The following DYNC2I1 variants were observed in gnomAD, a reference collection of about 807,000 sequenced individuals.
DYNC2I1 encodes cytoplasmic dynein 2 intermediate chain 1.
Under a neutral mutation model 133.4 loss-of-function variants are expected in DYNC2I1, and 89 were observed. That is an observed-to-expected ratio of 0.67 (90% confidence interval 0.56 to 0.80). The LOEUF is 0.80. Among genes scored for constraint, DYNC2I1 ranks in the 30% least tolerant of loss-of-function variants. The pLI, the probability that DYNC2I1 is intolerant of heterozygous loss-of-function variation, is 0.00. For missense variants in DYNC2I1, 1,291 were observed against 1,314.5 expected (o/e 0.98, Z 0.28); for synonymous variants, 504 against 484.3 (o/e 1.04, Z -0.54).
At chr7:158,888,019 CTTTTT>C (rs545903783) in intron 7 of DYNC2I1, among the ~76,000 whole-genome samples, 2 of 96,598 alleles carry the variant, frequency 2.1e-5, no homozygotes, top group South Asian at 3.6e-4. Flanking sequence ...AACCATTGTC[CTTTTT>C]TTTTTTTTTT....
chr7:158,864,949 C>T (rs1842269248), intron 1 of DYNC2I1, among the ~76,000 whole-genome samples: 1 of 152,248 alleles, frequency 6.6e-6, no homozygotes, highest in Admixed American at 6.5e-5. Context: ...CAGGTGGCTG[C>T]AGATGCCAGT....
At chr7:158,939,990 A>G (rs762248616) in intron 23 of DYNC2I1, among the ~76,000 whole-genome samples, 2 of 152,218 alleles carry the variant, frequency 1.3e-5, no homozygotes, top group African/African-American at 2.4e-5. Flanking sequence ...TCCCAAGTAT[A>G]GAAAGCAAAG....
chr7:158,847,490 C>T, the DYNC2I1 span, among the ~76,000 whole-genome samples: 2,728 of 152,180 alleles, frequency 0.018, 51 homozygotes, highest in Middle Eastern at 0.044. Flanking sequence ...GTGGCCATGT[C>T]GTCACCCTTC....
chr7:158,938,630 C>T (rs1391198508), intron 23 of DYNC2I1, among the ~76,000 whole-genome samples: 1 of 152,086 alleles, frequency 6.6e-6, no homozygotes, highest in Non-Finnish European at 1.5e-5. Flanking sequence ...GTGGCGGGCA[C>T]CTGTAATCCC....
intron 23 of DYNC2I1, among the ~76,000 whole-genome samples, chr7:158,934,853 T>A (rs1242927679): frequency 6.6e-6 from 1 of 152,254 alleles, no homozygotes; most frequent in African/African-American, 2.4e-5. Flanking sequence ...AGCATAACAC[T>A]TGCAGTGATC....
chr7:158,882,544 C>T (rs943584079), intron 5 of DYNC2I1, among the ~76,000 whole-genome samples: 1 of 152,084 alleles, frequency 6.6e-6, no homozygotes, highest in African/African-American at 2.4e-5. Context: ...GATCATATCA[C>T]TGCAGTCCAA....
At chr7:158,912,896 G>C (rs1847627427) in intron 12 of DYNC2I1, 89 bp from the exon 13 acceptor site, 2 of 921,356 alleles carry the variant, frequency 2.2e-6, no homozygotes, top group Non-Finnish European at 3.3e-6. Flanking sequence ...ACTTACTTTT[G>C]ACACAGTGAC....
upstream of DYNC2I1, among the ~76,000 whole-genome samples, chr7:158,855,504 T>C (rs1402326828): frequency 6.6e-6 from 1 of 152,240 alleles, no homozygotes; most frequent in African/African-American, 2.4e-5. Flanking sequence ...ATTTCTAATC[T>C]TGTGGCTAAC....
chr7:158,881,806 C>T (rs1844057756), intron 5 of DYNC2I1, among the ~76,000 whole-genome samples: 1 of 152,120 alleles, frequency 6.6e-6, no homozygotes, highest in African/African-American at 2.4e-5. Context: ...TCATTTTCTC[C>T]CAACGTTGTG....
At chr7:158,925,036 A>G (rs1339633508) in intron 17 of DYNC2I1, among the ~76,000 whole-genome samples, 2 of 152,202 alleles carry the variant, frequency 1.3e-5, no homozygotes, top group Non-Finnish European at 2.9e-5. Flanking sequence ...GATTACAGGC[A>G]TAAGCCACCG....
At chr7:158,868,454 A>G (rs1388496828) in intron 1 of DYNC2I1, among the ~76,000 whole-genome samples, 2 of 152,272 alleles carry the variant, frequency 1.3e-5, no homozygotes, top group Non-Finnish European at 2.9e-5. Flanking sequence ...GGATTATCCA[A>G]CGAGGAACAA....
chr7:158,940,144 C>T (rs1026820397), intron 23 of DYNC2I1, among the ~76,000 whole-genome samples: 3 of 152,152 alleles, frequency 2.0e-5, no homozygotes, highest in Non-Finnish European at 4.4e-5. Flanking sequence ...ACCAGTGGTC[C>T]CCAACCTTTT....
intron 11 of DYNC2I1, among the ~76,000 whole-genome samples, chr7:158,908,748 C>T (rs1199643732): frequency 2.0e-5 from 3 of 152,306 alleles, no homozygotes; most frequent in African/African-American, 7.2e-5. Flanking sequence ...GCCGGAGAGG[C>T]TGGGCGGTCG....
chr7:158,876,312 C>A (rs1352974031), intron 3 of DYNC2I1, among the ~76,000 whole-genome samples: 1 of 152,160 alleles, frequency 6.6e-6, no homozygotes, highest in Non-Finnish European at 1.5e-5. Flanking sequence ...ATGATCCAGT[C>A]ACCTCCCACC....
intron 16 of DYNC2I1, among the ~76,000 whole-genome samples, chr7:158,923,188 A>C (rs1279642361): frequency 1.3e-5 from 2 of 152,354 alleles, no homozygotes; most frequent in Non-Finnish European, 2.9e-5. Flanking sequence ...GCTGTAGAGA[A>C]GAATAACTTG....
chr7:158,922,495 G>A lies in DYNC2I1; in HGVS notation c.2040G>A (p.Val680=), dbSNP rs552964711. The change falls in exon 16 of 25, where the codon GTG becomes GTA. Residue 680 remains valine, a synonymous_variant. Coordinates refer to ENST00000407559, the MANE Select transcript of DYNC2I1 (RefSeq NM_018051.5). The part of the protein sequence containing the change: ...PLLDSKYVLC[V]WDIWQPSGPQ... ...TGGACAGCAAATACGTCCTCTGTGT[G>A]TGGGATATTTGGCAGCCTTCAGGGC... 39 of 1,613,972 alleles carry A rather than the reference G, an allele frequency of 2.4e-5. No homozygotes were observed. The South Asian group carries it at 4.3e-4, about 18-fold the overall frequency.
the DYNC2I1 span, among the ~76,000 whole-genome samples, chr7:158,844,656 C>G: frequency 6.6e-6 from 1 of 151,722 alleles, no homozygotes; most frequent in Non-Finnish European, 1.5e-5. Context: ...GAGTTTCGCT[C>G]TTGTTGCCCA....
At position 158,871,252 on chromosome 7, in the gene DYNC2I1, C is replaced by G. The variant is rs754304837; in HGVS notation, c.180C>G (p.Pro60=). The G allele has an allele frequency of 1.2e-6, 2 of 1,609,092 alleles. No homozygotes were observed. Among genetic ancestry groups the G allele is most frequent in the Non-Finnish European group, 1.7e-6 (2 of 1,177,576 alleles). Residue 60 remains proline, a synonymous_variant, in exon 3 of 25, where the codon CCC becomes CCG. Transcript: ENST00000407559. ...PEHKEPRCRD[P]DQDARSRDRV... Reference sequence around the variant, plus strand: ...ATAAGGAGCCGAGGTGCAGGGATCCCGACCAGGATGCCAGGAGCAGAGACA... The same window carrying G: ...ATAAGGAGCCGAGGTGCAGGGATCCGGACCAGGATGCCAGGAGCAGAGACA...
At chr7:158,955,641 G>C (rs1461731802) in intron 4 of DYNC2I1, among the ~76,000 whole-genome samples, 1 of 152,234 alleles carries the variant, frequency 6.6e-6, no homozygotes, top group Non-Finnish European at 1.5e-5. Flanking sequence ...CTGCCTGCAG[G>C]CGTATTTTGT....
Sources: gnomAD v4.1 joint callset for allele counts (sites outside exome capture counted in the v4.1 genomes callset) on GRCh38, gnomAD v4.1.1 for gene constraint, MANE v1.5 for transcripts, NCBI Gene and HGNC (gene_info 2026-07-23, HGNC 2026-07-21) for gene names.